C3orf49: variants seen among roughly 807,000 people sequenced by gnomAD.
C3orf49 encodes the protein chromosome 3 open reading frame 49.
Under a neutral mutation model 13.3 loss-of-function variants are expected in C3orf49, and 27 were observed. That is an observed-to-expected ratio of 2.02 (90% CI 1.49 to 2.79). The LOEUF is 2.79. Ranked by LOEUF, C3orf49 falls within the 30% of genes most tolerant of loss-of-function variation. C3orf49 has a pLI of 0.00. For missense variants in C3orf49, 242 were observed against 134.2 expected (o/e 1.80, Z -3.97); for synonymous variants, 87 against 47.6 (o/e 1.83, Z -3.40).
chr3:63,780,769 T>G, the C3orf49 span, among the ~76,000 whole-genome samples: 1 of 152,262 alleles, frequency 6.6e-6, no homozygotes, highest in East Asian at 1.9e-4. Flanking sequence ...ATGTGTCTTT[T>G]GGCTGCATAA....
intron 5 of C3orf49, among the ~76,000 whole-genome samples, chr3:63,839,027 C>T (rs1174314923): frequency 6.6e-6 from 1 of 152,110 alleles, no homozygotes; most frequent in Admixed American, 6.6e-5. Flanking sequence ...CCCATCTCTA[C>T]TAAAATACAA....
chr3:63,785,856 C>T, the C3orf49 span: 1 of 151,936 alleles, frequency 6.6e-6, no homozygotes, highest in Non-Finnish European at 1.5e-5. Context: ...AAAAAGAAAA[C>T]CACCAAAAGC....
At chr3:63,846,613 T>C (rs921648115) in intron 6 of C3orf49, among the ~76,000 whole-genome samples, 2 of 152,120 alleles carry the variant, frequency 1.3e-5, no homozygotes, top group Non-Finnish European at 1.5e-5. Flanking sequence ...TTTTACCATG[T>C]TGGCCAGGCT....
intron 5 of C3orf49, among the ~76,000 whole-genome samples, chr3:63,832,567 TAGA>T (rs1200465709): frequency 2.0e-5 from 3 of 151,746 alleles, no homozygotes; most frequent in East Asian, 3.9e-4. Context: ...GAGGCTGACA[TAGA>T]AGAATTGCTT....
chr3:63,847,670 G>A (rs867211111), intron 6 of C3orf49, among the ~76,000 whole-genome samples: 2 of 152,114 alleles, frequency 1.3e-5, no homozygotes, highest in African/African-American at 4.8e-5. Context: ...CCAGGAGGCA[G>A]AGGTTGCAGT....
chr3:63,807,152 C>G, the C3orf49 span, among the ~76,000 whole-genome samples: 1 of 152,030 alleles, frequency 6.6e-6, no homozygotes, highest in Admixed American at 6.6e-5. Context: ...GGGGTTTCAC[C>G]GTGTTAGCCA....
chr3:63,781,042 T>G, the C3orf49 span, among the ~76,000 whole-genome samples: 3 of 151,126 alleles, frequency 2.0e-5, no homozygotes, highest in Admixed American at 6.6e-5. Context: ...GCTTTTGGTG[T>G]TTTAGACATG....
the C3orf49 span, among the ~76,000 whole-genome samples, chr3:63,782,180 G>T: frequency 6.6e-6 from 1 of 152,112 alleles, no homozygotes; most frequent in Non-Finnish European, 1.5e-5. Flanking sequence ...CAGACACTAA[G>T]AACATATTGC....
At chr3:63,832,063 G>A (rs537535340) in intron 5 of C3orf49, 16 of 437,020 alleles carry the variant, frequency 3.7e-5, no homozygotes, top group Admixed American at 1.3e-4. Flanking sequence ...GAGTGGTGGC[G>A]GGCGCCTCTA....
chr3:63,837,688 C>T (rs1701662359), intron 5 of C3orf49, among the ~76,000 whole-genome samples: 1 of 150,642 alleles, frequency 6.6e-6, no homozygotes. Context: ...GCAAAAGGGT[C>T]CAAGATGGTA....
chr3:63,785,217 G>A, the C3orf49 span, among the ~76,000 whole-genome samples: 5 of 151,496 alleles, frequency 3.3e-5, no homozygotes, highest in African/African-American at 9.7e-5. Context: ...GACTACATGC[G>A]CCCGCCACCA....
At chr3:63,803,479 G>A in the C3orf49 span, among the ~76,000 whole-genome samples, 1 of 152,174 alleles carries the variant, frequency 6.6e-6, no homozygotes, top group Non-Finnish European at 1.5e-5. Flanking sequence ...AGACAGACCT[G>A]AACTCAACCT....
intron 5 of C3orf49, chr3:63,832,049 C>T: frequency 4.2e-6 from 2 of 473,352 alleles, no homozygotes; most frequent in Non-Finnish European, 7.4e-6. Context: ...CAAAAATTAT[C>T]CAGGAGTGGT....
chr3:63,819,051 A>C (rs77985332), upstream of C3orf49, among the ~76,000 whole-genome samples: 3,416 of 152,298 alleles, frequency 0.022, 46 homozygotes, highest in Non-Finnish European at 0.033. Context: ...TCAGAGTTCA[A>C]ATACGCACTT....
chr3:63,815,859 T>C (rs1484863869), upstream of C3orf49, among the ~76,000 whole-genome samples: 1 of 150,502 alleles, frequency 6.6e-6, no homozygotes, highest in Non-Finnish European at 1.5e-5. Context: ...CTCTGCCTCC[T>C]GGGTTCAAGC....
Position 63,827,683 on chromosome 3 carries a change from C to T in C3orf49, c.528C>T (p.Thr176=). The T allele has an allele frequency of 1.4e-6, 1 of 703,064 alleles. No homozygotes were observed. The highest frequency in any genetic ancestry group is 2.6e-6 in the Non-Finnish European group (1 of 385,006). 43.6% of individuals were successfully genotyped at this position (703,064 alleles called of 1,614,324 possible). The change falls in exon 3 of 7, where the codon ACC becomes ACT. Residue 176 remains threonine, a synonymous_variant. Coordinates refer to ENST00000295896, the MANE Select transcript of C3orf49 (RefSeq NM_001355236.2). Reference sequence around the variant, plus strand: ...CACTCCTTCGGGCCAGGAGAACCACCAAGCGGTTATCTGTGACATCTCTTC... The same window carrying T: ...CACTCCTTCGGGCCAGGAGAACCACTAAGCGGTTATCTGTGACATCTCTTC... The part of the protein sequence containing the change: ...GNTLLRARRT[T]KRLSVTSLPS...
intron 5 of C3orf49, chr3:63,834,110 G>C (rs1701575448): frequency 6.2e-7 from 1 of 1,612,562 alleles, no homozygotes; most frequent in Non-Finnish European, 8.5e-7. Flanking sequence ...ATATTCCTGG[G>C]AGTGGTGGGC....
intron 5 of C3orf49, among the ~76,000 whole-genome samples, chr3:63,841,556 T>C (rs542787557): frequency 6.6e-6 from 1 of 152,192 alleles, no homozygotes; most frequent in East Asian, 1.9e-4. Flanking sequence ...GGCAGATGGC[T>C]CCAGTTTTAA....
chr3:63,823,251 T>A lies in C3orf49; in HGVS notation c.127T>A (p.Trp43Arg), dbSNP rs563285127. 1 of 690,644 alleles carries A rather than the reference T, an allele frequency of 1.4e-6. No homozygotes were observed. The highest frequency in any genetic ancestry group is 1.8e-5 in the African/African-American group (1 of 56,840). The allele number at this position is 690,644 out of a possible 1,614,324, so 42.8% of individuals were successfully genotyped here. Reference sequence around the variant, plus strand: ...ATGAACCATTTTTATTTTGTTTAGATGGCATAGAGCTGTGTCTACCAACTT... The same window carrying A: ...ATGAACCATTTTTATTTTGTTTAGAAGGCATAGAGCTGTGTCTACCAACTT... ...GSFKRKGIER[W>R]HRAVSTNLLK... is the part of the protein sequence containing the mutation. The change falls in exon 2 of 7, where the codon TGG becomes AGG. Residue 43 changes from tryptophan (W) to arginine (R), a missense_variant and splice_region_variant. Physicochemically the swap from Trp to Arg is moderately radical, Grantham distance 101 (BLOSUM62 -3). Coordinates refer to ENST00000295896, the MANE Select transcript of C3orf49 (RefSeq NM_001355236.2).
Sources: gnomAD v4.1 joint callset for allele counts (sites outside exome capture counted in the v4.1 genomes callset) on GRCh38, gnomAD v4.1.1 for gene constraint, MANE v1.5 for transcripts, NCBI Gene and HGNC (gene_info 2026-07-23, HGNC 2026-07-21) for gene names.